MAP3K10: variants seen among roughly 807,000 people sequenced by gnomAD.
The protein encoded by MAP3K10 is mitogen-activated protein kinase kinase kinase 10, also known as MKN28 derived nonreceptor_type serine/threonine kinase.
Under a neutral mutation model 75.0 loss-of-function variants are expected in MAP3K10, and 22 were observed. The ratio of observed to expected loss-of-function variants is 0.29; its 90% confidence interval spans 0.21 to 0.42. The LOEUF is 0.42. Ranked by LOEUF, MAP3K10 falls within the 10% of genes least tolerant of loss-of-function variation. The probability of loss-of-function intolerance (pLI) is 1.00; values close to 1 mark genes in which losing one functional copy is unlikely to be tolerated. For synonymous variants in MAP3K10, 599 were observed against 612.9 expected, an observed-to-expected ratio of 0.98 and a Z score of 0.34; for missense variants, 1,165 against 1,379.8, an observed-to-expected ratio of 0.84 and a Z score of 2.47.
intron 5 of MAP3K10, 111 bp downstream of exon 5, chr19:40,206,268 C>CAGTGATCAGCACATAGTCACT: frequency 7.6e-7 from 1 of 1,321,130 alleles, no homozygotes; most frequent in Non-Finnish European, 1.0e-6. Flanking sequence ...CTAAATATAT[C>CAGTGATCAGCACATAGTCACT]GCACATAGTC....
chr19:40,208,146 T>A (rs1005127895), intron 5 of MAP3K10, among the ~76,000 whole-genome samples: 2 of 151,982 alleles, frequency 1.3e-5, no homozygotes, highest in African/African-American at 4.8e-5. Flanking sequence ...ATGGAGTACC[T>A]GTTTTTTGTT....
In MAP3K10 at chr19:40,212,554, A is replaced by AGG. The variant is rs1973259517; in HGVS notation, c.1553-250_1553-249dup. Among the ~76,000 whole-genome samples, 1 of 152,204 alleles carries AGG rather than the reference A, an allele frequency of 6.6e-6. No homozygotes were observed. The highest frequency in any genetic ancestry group is 1.5e-5 in the Non-Finnish European group (1 of 68,034). Reference sequence around the variant, plus strand: ...AATGGTGAAGGGTTAGGCTGTGAAGAGGAGGGGAGGCTGGAGGAGTTGGCA... The same window carrying AGG: ...AATGGTGAAGGGTTAGGCTGTGAAGAGGGGAGGGGAGGCTGGAGGAGTTGGCA... On this transcript the variant is annotated intron_variant, in intron 6 of 9. Coordinates refer to ENST00000253055, the MANE Select transcript of MAP3K10 (RefSeq NM_002446.4). The surrounding 1 kb of genome is among the most constrained non-coding windows in gnomAD (Gnocchi z 4.2).
intron 9 of MAP3K10, 84 bp downstream of exon 9, chr19:40,214,305 C>T: frequency 1.5e-6 from 2 of 1,332,150 alleles, no homozygotes; most frequent in Non-Finnish European, 1.9e-6. Flanking sequence ...CCAGCCACGA[C>T]CCCTCAGGCA....
chr19:40,194,174 A>C (rs751844242), intron 1 of MAP3K10, among the ~76,000 whole-genome samples: 9 of 152,172 alleles, frequency 5.9e-5, no homozygotes, highest in Non-Finnish European at 1.2e-4. Context: ...CAGCCTGACC[A>C]ATATGGTGAA....
In MAP3K10 at chr19:40,191,635, C is replaced by G. The variant is rs1237773986; in HGVS notation, c.-397C>G. The G allele has an allele frequency of 1.3e-5, 2 of 150,600 alleles. No homozygotes were observed. Among genetic ancestry groups the G allele is most frequent in the African/African-American group, 4.9e-5 (2 of 41,150 alleles). The allele number at this position is 150,600 out of a possible 1,614,324, so 9.3% of individuals were successfully genotyped here. A position where few individuals can be genotyped will look rare whatever the true frequency, so the allele number is the denominator to read the frequency against. The stretch of plus-strand genomic sequence containing the variant: ...GGCAGTCGTGGCCCGGGATGCGGAG[C>G]CGGGGGCCGCCGGTGGAGCTGCGCG... On this transcript the variant is annotated 5_prime_UTR_variant, in exon 1 of 10. Transcript: ENST00000253055.
intron 1 of MAP3K10, among the ~76,000 whole-genome samples, chr19:40,194,062 A>T (rs199921412): frequency 6.6e-6 from 1 of 152,192 alleles, no homozygotes. Flanking sequence ...TGACATTTGT[A>T]TATCAACAGA....
Position 40,213,386 on chromosome 19 carries a change from C to CA in MAP3K10, c.1838-130dup. ...CCTTCTCTGAGGCTTCTCCTGGAGACAGATTCAAGAACGATGCTCGTGGGT... is the reference window on the plus strand; with the variant it reads ...CCTTCTCTGAGGCTTCTCCTGGAGACAAGATTCAAGAACGATGCTCGTGGGT... On this transcript the variant is annotated intron_variant, in intron 8 of 9. Transcript: ENST00000253055. This position sits in a 1 kb window ranked among gnomAD's most constrained non-coding sequence, Gnocchi z 5.7. 1 of 1,475,868 alleles carries CA rather than the reference C, an allele frequency of 6.8e-7. No individual in the cohort carries two copies. Among genetic ancestry groups the CA allele is most frequent in the Non-Finnish European group, 9.0e-7 (1 of 1,116,450 alleles). 91.4% of individuals were successfully genotyped at this position (1,475,868 alleles called of 1,614,324 possible).
rs1433297655 is a variant in MAP3K10 at position 40,198,307 on chromosome 19, C to T, written c.683-68C>T. The T allele has an allele frequency of 1.4e-5, 20 of 1,443,976 alleles. No individual in the cohort carries two copies. Among genetic ancestry groups the T allele is most frequent in the South Asian group, 5.1e-5 (4 of 78,260 alleles). The allele number at this position is 1,443,976 out of a possible 1,614,324, so 89.4% of individuals were successfully genotyped here. ...AAAGACGTGTTTCTAGCTGAGGCAG[C>T]GGGCCAGAACACTTGGGTCTGCGGC... On this transcript the variant is annotated intron_variant, in intron 1 of 9. Coordinates refer to ENST00000253055, the MANE Select transcript of MAP3K10 (RefSeq NM_002446.4). This position sits in a 1 kb window ranked among gnomAD's most constrained non-coding sequence, Gnocchi z 4.3.
In MAP3K10 at chr19:40,198,406, C is replaced by T. The variant is rs1294263194; in HGVS notation, c.714C>T (p.Asn238=). The T allele has an allele frequency of 6.2e-7, 1 of 1,613,840 alleles. No homozygotes were observed. Residue 238 remains asparagine, a synonymous_variant, in exon 2 of 10, where the codon AAC becomes AAT. Coordinates refer to ENST00000253055, the MANE Select transcript of MAP3K10 (RefSeq NM_002446.4). This position sits in a 1 kb window ranked among gnomAD's most constrained non-coding sequence, Gnocchi z 4.3. The part of the protein sequence containing the change: ...ILILEAIENH[N]LADTVLKITD... The stretch of plus-strand genomic sequence containing the variant: ...TCCTGGAGGCCATCGAGAACCACAA[C>T]CTCGCAGACACGGTGCTCAAGATCA...
Position 40,192,199 on chromosome 19 carries a change from G to T in MAP3K10, c.168G>T (p.Glu56Asp). 6.2e-7 allele frequency: 1 copy of T among 1,608,808 alleles called. No homozygotes were observed. Residue 56 changes from glutamate (E) to aspartate (D), a missense_variant, in exon 1 of 10, where the codon GAG (glutamate) becomes GAT (aspartate). Coordinates refer to ENST00000253055, the MANE Select transcript of MAP3K10 (RefSeq NM_002446.4). This position sits in a 1 kb window ranked among gnomAD's most constrained non-coding sequence, Gnocchi z 7.1. ...LSQDCAVSGDEGWWTGQLPSG... is the reference protein window; with the variant it reads ...LSQDCAVSGDDGWWTGQLPSG... ...AAGACTGTGCGGTGTCCGGCGACGA[G>T]GGCTGGTGGACCGGGCAGCTCCCCA...
At chr19:40,206,844 A>G (rs1487991187) in intron 5 of MAP3K10, among the ~76,000 whole-genome samples, 1 of 152,190 alleles carries the variant, frequency 6.6e-6, no homozygotes, top group African/African-American at 2.4e-5. Flanking sequence ...CTGTAATCCC[A>G]GCATTTTGGG....
chr19:40,214,061 G>A lies in MAP3K10; in HGVS notation c.2382G>A (p.Leu794=). The A allele has an allele frequency of 7.1e-7, 1 of 1,412,182 alleles. No homozygotes were observed. The highest frequency in any genetic ancestry group is 9.3e-7 in the Non-Finnish European group (1 of 1,071,596). 87.5% of individuals were successfully genotyped at this position (1,412,182 alleles called of 1,614,324 possible). The change falls in exon 9 of 10, where the codon CTG becomes CTA. Residue 794 remains leucine, a synonymous_variant. Transcript: ENST00000253055. ...TPTPSPSTNP[L]VDLELESFKK... is the part of the protein sequence containing the mutation. Reference sequence around the variant, plus strand: ...CGCCCTCGCCCAGCACCAACCCCCTGGTGGACCTGGAGCTGGAGAGCTTCA... The same window carrying A: ...CGCCCTCGCCCAGCACCAACCCCCTAGTGGACCTGGAGCTGGAGAGCTTCA...
chr19:40,214,175 G>C lies in MAP3K10; in HGVS notation c.2496G>C (p.Gly832=), dbSNP rs767010482. The C allele has an allele frequency of 6.7e-6, 10 of 1,486,294 alleles. No individual in the cohort carries two copies. In the African/African-American group the frequency reaches 1.3e-4, roughly 19 times the overall value. The allele number at this position is 1,486,294 out of a possible 1,614,324, so 92.1% of individuals were successfully genotyped here. A position where few individuals can be genotyped will look rare whatever the true frequency, so the allele number is the denominator to read the frequency against. ...GGCACCGGCGGACGCCATCGGACGG[G>C]GCGCTGGGGCAGCGGGGGCCGCCCG... ...SRGHRRTPSD[G]ALGQRGPPEP... Residue 832 remains glycine, a synonymous_variant, in exon 9 of 10, where the codon GGG becomes GGC. Coordinates refer to ENST00000253055, the MANE Select transcript of MAP3K10 (RefSeq NM_002446.4).
Position 40,204,460 on chromosome 19 carries a change from A to T in MAP3K10, c.864-25A>T. The T allele has an allele frequency of 6.2e-7, 1 of 1,603,466 alleles. No individual in the cohort carries two copies. Among genetic ancestry groups the T allele is most frequent in the East Asian group, 2.2e-5 (1 of 44,628 alleles). On this transcript the variant is annotated intron_variant, in intron 2 of 9. Coordinates refer to ENST00000253055, the MANE Select transcript of MAP3K10 (RefSeq NM_002446.4). This position sits in a 1 kb window ranked among gnomAD's most constrained non-coding sequence, Gnocchi z 4.3. ...GAGGATTGGGGTGGGCTGCGACATC[A>T]CCCCTCCCTCTCCCCTGCCTGCAGC...
chr19:40,208,798 C>T (rs959118562), intron 5 of MAP3K10, among the ~76,000 whole-genome samples: 1 of 152,008 alleles, frequency 6.6e-6, no homozygotes. Flanking sequence ...CCATATTGGA[C>T]ACTGAGGCCT....
At chr19:40,211,565 C>G (rs568109651) in intron 6 of MAP3K10, among the ~76,000 whole-genome samples, 1 of 136,138 alleles carries the variant, frequency 7.3e-6, no homozygotes, top group Admixed American at 8.1e-5. Flanking sequence ...GTCCGTTGTT[C>G]CCCTCCCTGT....
Position 40,215,553 on chromosome 19 carries a change from TTAAAGGTAACCCCTGCCCCC to T in MAP3K10, c.*264_*283del. 2.0e-6 allele frequency: 1 copy of T among 493,150 alleles called. No homozygotes were observed. The highest frequency in any genetic ancestry group is 3.6e-6 in the Non-Finnish European group (1 of 274,770). 30.5% of individuals were successfully genotyped at this position (493,150 alleles called of 1,614,324 possible). A position where few individuals can be genotyped will look rare whatever the true frequency, so the allele number is the denominator to read the frequency against. ...GGGGGATTTGGCACAAAATGGAGCA[TTAAAGGTAACCCCTGCCCCC>T]TACCGCACTTGATTGTGTTCCTTTT... On this transcript the variant is annotated 3_prime_UTR_variant, in exon 10 of 10. Transcript: ENST00000253055.
In MAP3K10 at chr19:40,213,809, C is replaced by T. The variant is rs1166533831; in HGVS notation, c.2130C>T (p.Phe710=). Residue 710 remains phenylalanine, a synonymous_variant, in exon 9 of 10, where the codon TTC becomes TTT. Coordinates refer to ENST00000253055, the MANE Select transcript of MAP3K10 (RefSeq NM_002446.4). The surrounding 1 kb of genome is among the most constrained non-coding windows in gnomAD (Gnocchi z 5.7). ...EEQRRWLDGL[F]FPRAGRFPRG... Reference sequence around the variant, plus strand: ...AGCGGCGCTGGCTCGACGGCCTCTTCTTTCCCCGCGCCGGCCGCTTCCCGC... The same window carrying T: ...AGCGGCGCTGGCTCGACGGCCTCTTTTTTCCCCGCGCCGGCCGCTTCCCGC... 3.9e-6 allele frequency: 5 copies of T among 1,290,886 alleles called. No individual in the cohort carries two copies. Among genetic ancestry groups the T allele is most frequent in the Admixed American group, 4.0e-5 (1 of 25,182 alleles). The allele number at this position is 1,290,886 out of a possible 1,614,324, so 80.0% of individuals were successfully genotyped here.
chr19:40,202,291 C>T (rs1973040693), intron 2 of MAP3K10, among the ~76,000 whole-genome samples: 2 of 151,988 alleles, frequency 1.3e-5, no homozygotes, highest in South Asian at 2.1e-4. Flanking sequence ...CCGCCCGCCT[C>T]GGCCTCCCAA....
Sources: gnomAD v4.1 joint callset for allele counts (sites outside exome capture counted in the v4.1 genomes callset) on GRCh38, gnomAD v4.1.1 for gene constraint, Gnocchi (gnomAD v3.1) non-coding constraint, MANE v1.5 for transcripts, NCBI Gene and HGNC (gene_info 2026-07-23, HGNC 2026-07-21) for gene names.